The following KCTD8 variants were observed in gnomAD, a reference collection of about 807,000 sequenced individuals.
KCTD8 encodes the protein BTB/POZ domain-containing protein KCTD8.
Under a neutral mutation model 31.5 loss-of-function variants are expected in KCTD8, and 27 were observed. That is an observed-to-expected ratio of 0.86 (90% CI 0.63 to 1.18). The LOEUF is 1.18. Among genes scored for constraint, KCTD8 ranks in the 50% most tolerant of loss-of-function variants. KCTD8 has a pLI of 0.00. For missense variants in KCTD8, 658 were observed against 647.7 expected (o/e 1.02, Z -0.17); for synonymous variants, 290 against 280.0 (o/e 1.04, Z -0.36).
intron 1 of KCTD8, among the ~76,000 whole-genome samples, chr4:44,327,521 T>G (rs1718480846): frequency 6.6e-6 from 1 of 151,800 alleles, no homozygotes; most frequent in Non-Finnish European, 1.5e-5. Context: ...ATATTGGAAC[T>G]GAGAGCAATC....
chr4:44,283,439 C>T (rs1263414145), intron 1 of KCTD8, among the ~76,000 whole-genome samples: 1 of 152,052 alleles, frequency 6.6e-6, no homozygotes, highest in African/African-American at 2.4e-5. Context: ...GGCTTCCAAT[C>T]ATTAAAGGAC....
chr4:44,378,395 CA>C (rs1719973211), intron 1 of KCTD8, among the ~76,000 whole-genome samples: 1 of 151,260 alleles, frequency 6.6e-6, no homozygotes, highest in African/African-American at 2.4e-5. Context: ...ACCAACATGG[CA>C]CATGTATACA....
intron 1 of KCTD8, among the ~76,000 whole-genome samples, chr4:44,227,423 T>C (rs1242809236): frequency 2.0e-5 from 3 of 152,220 alleles, no homozygotes; most frequent in African/African-American, 7.2e-5. Context: ...ACCAGTACCA[T>C]GCTGACTTTT....
rs749190754 is a variant in KCTD8 at position 44,174,776 on chromosome 4, G to A, written c.*14C>T. 1 of 1,562,246 alleles carries A rather than the reference G, an allele frequency of 6.4e-7. No homozygotes were observed. Among genetic ancestry groups the A allele is most frequent in the Non-Finnish European group, 8.7e-7 (1 of 1,149,222 alleles). On this transcript the variant is annotated 3_prime_UTR_variant, in exon 2 of 2. Transcript: ENST00000360029. ...ATTGAATGTCATCAAAATACTGCAGGAATGTGACAATTACTATAACCCATA... is the reference window on the plus strand; with the variant it reads ...ATTGAATGTCATCAAAATACTGCAGAAATGTGACAATTACTATAACCCATA...
intron 1 of KCTD8, among the ~76,000 whole-genome samples, chr4:44,344,414 G>C: frequency 6.6e-6 from 1 of 151,972 alleles, no homozygotes; most frequent in Non-Finnish European, 1.5e-5. Context: ...TCAAACTCCT[G>C]GCCTCAAGTA....
chr4:44,266,908 C>T (rs1413434991), intron 1 of KCTD8, among the ~76,000 whole-genome samples: 1 of 151,554 alleles, frequency 6.6e-6, no homozygotes, highest in Non-Finnish European at 1.5e-5. Flanking sequence ...TCCTGAGTGA[C>T]CTACAAAGAG....
chr4:44,340,936 T>C (rs1467290885), intron 1 of KCTD8, among the ~76,000 whole-genome samples: 1 of 151,664 alleles, frequency 6.6e-6, no homozygotes, highest in East Asian at 1.9e-4. Context: ...GAATGTATTA[T>C]ATATATAACA....
chr4:44,340,556 G>A (rs936240098), intron 1 of KCTD8, among the ~76,000 whole-genome samples: 2 of 137,676 alleles, frequency 1.5e-5, no homozygotes, highest in African/African-American at 5.5e-5. Flanking sequence ...GATCCACCCC[G>A]CCTCGGCCTC....
chr4:44,194,836 C>T (rs1461899969), intron 1 of KCTD8, among the ~76,000 whole-genome samples: 1 of 117,532 alleles, frequency 8.5e-6, no homozygotes. Context: ...TTCCTTCCTT[C>T]CTTCCCTCTT....
intron 1 of KCTD8, among the ~76,000 whole-genome samples, chr4:44,421,394 T>C (rs1721206961): frequency 6.6e-6 from 1 of 152,070 alleles, no homozygotes; most frequent in African/African-American, 2.4e-5. Context: ...CATGCGTAAG[T>C]ATCACCAGGA....
chr4:44,317,228 CTTTTTTTTTT>C (rs760060899), intron 1 of KCTD8, among the ~76,000 whole-genome samples: 2 of 36,536 alleles, frequency 5.5e-5, no homozygotes, highest in Non-Finnish European at 9.4e-5. Context: ...TGGGTGCTTT[CTTTTTTTTTT>C]TTTTTTTTTT....
intron 1 of KCTD8, among the ~76,000 whole-genome samples, chr4:44,379,749 G>A (rs1482148189): frequency 6.6e-6 from 1 of 151,956 alleles, no homozygotes; most frequent in African/African-American, 2.4e-5. Flanking sequence ...AAGTATTGTT[G>A]CCAAGCAAAA....
In KCTD8 at chr4:44,394,133, C is replaced by T. The variant is rs143974519; in HGVS notation, c.961+53430G>A. On this transcript the variant is annotated intron_variant, in intron 1 of 1. Transcript: ENST00000360029. The stretch of plus-strand genomic sequence containing the variant: ...AATATAGAAAATTCATTCCAAAAAC[C>T]TAATTACGAGTAGTAAACTCAAATG... 3.8e-3 allele frequency among the ~76,000 whole-genome samples: 573 copies of T among 151,988 alleles called. 2 individuals carry two copies. Among genetic ancestry groups the T allele is most frequent in the African/African-American group, 0.013 (546 of 41,496 alleles).
At chr4:44,297,539 C>T (rs981344951) in intron 1 of KCTD8, among the ~76,000 whole-genome samples, 1 of 152,010 alleles carries the variant, frequency 6.6e-6, no homozygotes, top group Admixed American at 6.5e-5. Context: ...GCAAACACTA[C>T]CATTAACTTG....
Position 44,252,936 on chromosome 4 carries a change from C to T in KCTD8, c.962-77686G>A, listed in dbSNP as rs183725043. Reference sequence around the variant, plus strand: ...TGAAGGTTCATCATAACTTAAAAACCTCCTTGGCCTAATGTTTAGATTTGT... The same window carrying T: ...TGAAGGTTCATCATAACTTAAAAACTTCCTTGGCCTAATGTTTAGATTTGT... On this transcript the variant is annotated intron_variant, in intron 1 of 1. Coordinates refer to ENST00000360029, the MANE Select transcript of KCTD8 (RefSeq NM_198353.3). Among the ~76,000 whole-genome samples, 173 of 151,674 alleles carry T rather than the reference C, an allele frequency of 1.1e-3. 3 individuals carry two copies. Among genetic ancestry groups the T allele is most frequent in the Non-Finnish European group, 5.9e-4 (40 of 67,728 alleles).
intron 1 of KCTD8, among the ~76,000 whole-genome samples, chr4:44,300,470 T>C (rs1717577634): frequency 6.6e-6 from 1 of 152,056 alleles, no homozygotes; most frequent in Non-Finnish European, 1.5e-5. Flanking sequence ...TGCAATCTGA[T>C]CAGAAAAAAA....
intron 1 of KCTD8, among the ~76,000 whole-genome samples, chr4:44,265,242 C>T (rs930758145): frequency 5.9e-5 from 9 of 152,016 alleles, no homozygotes; most frequent in African/African-American, 1.5e-4. Context: ...CACGAAAATC[C>T]GCTGTTCTGC....
At chr4:44,365,024 T>C (rs571643316) in intron 1 of KCTD8, among the ~76,000 whole-genome samples, 17 of 152,122 alleles carry the variant, frequency 1.1e-4, no homozygotes, top group African/African-American at 3.6e-4. Context: ...CCAAAAACCA[T>C]AGAATGTACA....
intron 1 of KCTD8, among the ~76,000 whole-genome samples, chr4:44,244,157 C>T (rs1715584166): frequency 6.6e-6 from 1 of 152,222 alleles, no homozygotes; most frequent in Non-Finnish European, 1.5e-5. Flanking sequence ...TCCGAGGAGA[C>T]ATTAACCAAA....
Sources: gnomAD v4.1 joint callset for allele counts (sites outside exome capture counted in the v4.1 genomes callset) on GRCh38, gnomAD v4.1.1 for gene constraint, MANE v1.5 for transcripts, NCBI Gene and HGNC (gene_info 2026-07-23, HGNC 2026-07-21) for gene names.